The following CSGALNACT1 variants were observed in gnomAD, a reference collection of about 807,000 sequenced individuals.
CSGALNACT1 encodes the protein beta4GalNAcT-1.
A neutral mutation model predicts 51.0 loss-of-function variants in CSGALNACT1; 52 were observed. That is an observed-to-expected ratio of 1.02 (90% CI 0.82 to 1.29). The LOEUF (loss-of-function observed/expected upper bound fraction) is 1.29, where lower values mean the gene tolerates loss of function less well. Among genes scored for constraint, CSGALNACT1 ranks in the 50% most tolerant of loss-of-function variants. The pLI, the probability that CSGALNACT1 is intolerant of heterozygous loss-of-function variation, is 0.00. For missense variants in CSGALNACT1, 935 were observed against 679.2 expected, an observed-to-expected ratio of 1.38 and a Z score of -4.19; for synonymous variants, 341 against 254.4, an observed-to-expected ratio of 1.34 and a Z score of -3.24.
chr8:19,740,465 A>G lies in CSGALNACT1; in HGVS notation c.-297+17385T>C, dbSNP rs79404672. Among the ~76,000 whole-genome samples the G allele has an allele frequency of 2.3e-3, 347 of 152,364 alleles. 4 individuals are homozygous for G. The East Asian group carries it at 0.029, about 13-fold the overall frequency. On this transcript the variant is annotated intron_variant, in intron 1 of 1. Transcript: ENST00000517494. ...CGGGCGCACAGCAGAGGCTTCTTCA[A>G]ATAAATCCCCTCACACATCCAGTAC...
chr8:19,737,598 A>G (rs1345594563), intron 1 of CSGALNACT1, among the ~76,000 whole-genome samples: 1 of 152,078 alleles, frequency 6.6e-6, no homozygotes, highest in Non-Finnish European at 1.5e-5. Flanking sequence ...AAAATTGGAA[A>G]AAGAAAAAAA....
upstream of CSGALNACT1, among the ~76,000 whole-genome samples, chr8:19,686,318 A>G (rs1477598367): frequency 1.3e-5 from 2 of 152,208 alleles, no homozygotes; most frequent in African/African-American, 2.4e-5. Context: ...AAAAAAAACT[A>G]GAAGAATAGA....
intron 3 of CSGALNACT1, among the ~76,000 whole-genome samples, chr8:19,513,664 T>C (rs1266616138): frequency 6.6e-6 from 1 of 151,596 alleles, no homozygotes; most frequent in African/African-American, 2.4e-5. Context: ...GATCATGGAG[T>C]GTATTTTCAC....
At chr8:19,750,452 A>G (rs2154253329) in intron 1 of CSGALNACT1, among the ~76,000 whole-genome samples, 1 of 152,338 alleles carries the variant, frequency 6.6e-6, no homozygotes, top group East Asian at 1.9e-4. Context: ...GGAGAGGTTG[A>G]GAGGAGACAG....
At chr8:19,686,579 G>C (rs570491677), upstream of CSGALNACT1, among the ~76,000 whole-genome samples, 13 of 152,212 alleles carry the variant, frequency 8.5e-5, no homozygotes, top group Non-Finnish European at 1.5e-4. Flanking sequence ...TAGAAGGCAA[G>C]TCCCAGGAAC....
At chr8:19,581,029 C>A (rs926286990) in intron 3 of CSGALNACT1, among the ~76,000 whole-genome samples, 2 of 152,044 alleles carry the variant, frequency 1.3e-5, no homozygotes, top group Non-Finnish European at 2.9e-5. Flanking sequence ...AAGTAATGTA[C>A]GTGTAACTAT....
upstream of CSGALNACT1, among the ~76,000 whole-genome samples, chr8:19,607,076 A>T (rs940377058): frequency 9.2e-5 from 14 of 151,964 alleles, no homozygotes; most frequent in African/African-American, 3.4e-4. Context: ...AATGGCATGA[A>T]ATCAGGAGGC....
intron 3 of CSGALNACT1, among the ~76,000 whole-genome samples, chr8:19,538,566 G>A (rs2154066943): frequency 6.6e-6 from 1 of 152,222 alleles, no homozygotes; most frequent in Non-Finnish European, 1.5e-5. Flanking sequence ...TAATTTGCAT[G>A]GGGAAGTGAG....
chr8:19,404,880 A>G (rs1056205495), exon 10 of CSGALNACT1: 8 of 454,142 alleles, frequency 1.8e-5, no homozygotes, highest in Non-Finnish European at 3.1e-5. Context: ...CTTCGAAAAT[A>G]CTCTTCAGAG....
chr8:19,619,252 G>T (rs13250084), intron 1 of CSGALNACT1, among the ~76,000 whole-genome samples: 22 of 148,312 alleles, frequency 1.5e-4, no homozygotes, highest in South Asian at 4.3e-4. Flanking sequence ...CAGGGTCGGG[G>T]GGGGGTGGGC....
intron 6 of CSGALNACT1, among the ~76,000 whole-genome samples, chr8:19,438,832 T>C (rs930840453): frequency 6.6e-6 from 1 of 152,196 alleles, no homozygotes; most frequent in Admixed American, 6.5e-5. Flanking sequence ...ATTCAGATCT[T>C]GGGCCCATTA....
chr8:19,429,337 T>C (rs1252744121), intron 6 of CSGALNACT1, among the ~76,000 whole-genome samples: 1 of 152,116 alleles, frequency 6.6e-6, no homozygotes, highest in Non-Finnish European at 1.5e-5. Context: ...CCACCACACC[T>C]GGCTAATTTT....
chr8:19,734,997 T>C (rs868034754), intron 1 of CSGALNACT1, among the ~76,000 whole-genome samples: 5 of 151,992 alleles, frequency 3.3e-5, no homozygotes, highest in African/African-American at 9.7e-5. Flanking sequence ...GATCTTGCTA[T>C]CCAGGAAATC....
At chr8:19,714,398 G>A (rs953534803) in intron 1 of CSGALNACT1, among the ~76,000 whole-genome samples, 1 of 151,486 alleles carries the variant, frequency 6.6e-6, no homozygotes. Context: ...CTGTAATTTG[G>A]TGTCTGTCAT....
rs372032045 is a variant in CSGALNACT1 at position 19,721,126 on chromosome 8, T to C, written c.-297+36724A>G. Among the ~76,000 whole-genome samples the C allele has an allele frequency of 1.2e-4, 19 of 152,332 alleles. No homozygotes were observed. The East Asian group carries it at 1.4e-3, about 11-fold the overall frequency. ...TTCAGTCACCTTGAAATGTTCCCCA[T>C]TGGGTTCTCAGTTCAAGGCTCATAC... is the stretch of plus-strand genomic sequence containing the variant. On this transcript the variant is annotated intron_variant, in intron 1 of 1. Transcript: ENST00000517494.
In CSGALNACT1 at chr8:19,757,270, T is replaced by G. The variant is rs1406724661; in HGVS notation, c.-297+580A>C. The G allele has an allele frequency of 6.7e-6, 1 of 149,984 alleles. No individual in the cohort carries two copies. Among genetic ancestry groups the G allele is most frequent in the Admixed American group, 6.6e-5 (1 of 15,064 alleles). The allele number at this position is 149,984 out of a possible 1,614,324, so 9.3% of individuals were successfully genotyped here. On this transcript the variant is annotated intron_variant, in intron 1 of 1. Coordinates refer to the CSGALNACT1 transcript ENST00000517494. The surrounding 1 kb of genome is among the most constrained non-coding windows in gnomAD (Gnocchi z 4.0). ...TCCCTCCTGCGCGGCCGCCGCGGAC[T>G]CGGCTCCACCTCCCGCTCCGGCAGC...
chr8:19,608,639 C>T (rs1311655843), intron 1 of CSGALNACT1, among the ~76,000 whole-genome samples: 1 of 152,316 alleles, frequency 6.6e-6, no homozygotes, highest in Non-Finnish European at 1.5e-5. Context: ...AGGACAACTG[C>T]CCAGAACACA....
rs112676984 is a variant in CSGALNACT1 at position 19,562,654 on chromosome 8, A to G, written c.-297+28506T>C. Among the ~76,000 whole-genome samples, 615 of 152,322 alleles carry G rather than the reference A, an allele frequency of 4.0e-3. 3 individuals are homozygous for G. The highest frequency in any genetic ancestry group is 0.014 in the African/African-American group (590 of 41,568). ...AGGCAAAGGACACAGACACTTTTCA[A>G]AGAAGACAAGAAACATATGAAGAAA... On this transcript the variant is annotated intron_variant, in intron 3 of 9. Transcript: ENST00000454498.
At chr8:19,566,211 G>T (rs149111359) in intron 3 of CSGALNACT1, among the ~76,000 whole-genome samples, 3 of 152,304 alleles carry the variant, frequency 2.0e-5, no homozygotes, top group African/African-American at 4.8e-5. Context: ...ATGTATTCTT[G>T]TAAGAGAGAG....
Sources: gnomAD v4.1 joint callset for allele counts (sites outside exome capture counted in the v4.1 genomes callset) on GRCh38, gnomAD v4.1.1 for gene constraint, Gnocchi (gnomAD v3.1) non-coding constraint, MANE v1.5 for transcripts, NCBI Gene and HGNC (gene_info 2026-07-23, HGNC 2026-07-21) for gene names.